The following TUBB6 variants were observed in gnomAD, a reference collection of about 807,000 sequenced individuals.
TUBB6 encodes the protein tubulin beta-6 chain.
Under a neutral mutation model 32.3 loss-of-function variants are expected in TUBB6, and 18 were observed. The observed-to-expected ratio is 0.56, with a 90% confidence interval of 0.39 to 0.83. The LOEUF is 0.83. TUBB6 is among the 40% of genes least tolerant of loss of function. TUBB6 has a pLI of 0.00. For missense variants in TUBB6, 480 were observed against 632.0 expected (o/e 0.76, Z 2.58); for synonymous variants, 280 against 265.8 (o/e 1.05, Z -0.52).
At position 12,308,813 on chromosome 18, in the gene TUBB6, C is replaced by A. The variant is rs768533336; in HGVS notation, c.166+18C>A. 2.7e-6 allele frequency: 4 copies of A among 1,509,398 alleles called. No individual in the cohort carries two copies. The South Asian group carries it at 3.4e-5, about 13-fold the overall frequency. 93.5% of individuals were successfully genotyped at this position (1,509,398 alleles called of 1,614,324 possible). A position where few individuals can be genotyped will look rare whatever the true frequency, so the allele number is the denominator to read the frequency against. On this transcript the variant is annotated intron_variant, in intron 2 of 3. Coordinates refer to ENST00000317702, the MANE Select transcript of TUBB6 (RefSeq NM_032525.3). ...GTCATCGTGTGAGTAGCAAGGCCGC[C>A]GCGCCCTGCCCGGCCGGGACCCGCG...
At chr18:12,328,958 TACAGTGTTG>T, downstream of TUBB6, 1 of 559,054 alleles carries the variant, frequency 1.8e-6, no homozygotes, top group Non-Finnish European at 3.2e-6. Context: ...TTCAGAAAAG[TACAGTGTTG>T]ACATTTTATT....
At chr18:12,321,594 G>A (rs1317353331) in intron 3 of TUBB6, among the ~76,000 whole-genome samples, 1 of 152,160 alleles carries the variant, frequency 6.6e-6, no homozygotes, top group Non-Finnish European at 1.5e-5. Context: ...CATCAGGGAT[G>A]GACCTGCCCA....
chr18:12,307,721 C>T (rs1906060583), upstream of TUBB6: 1 of 151,952 alleles, frequency 6.6e-6, no homozygotes, highest in Non-Finnish European at 1.5e-5. Context: ...GAGGAATGGC[C>T]TCTGTATCTC....
At chr18:12,322,928 AAG>A (rs1484058134) in intron 3 of TUBB6, among the ~76,000 whole-genome samples, 1 of 152,226 alleles carries the variant, frequency 6.6e-6, no homozygotes, top group Non-Finnish European at 1.5e-5. Flanking sequence ...TTAACAGAAG[AAG>A]AGTTTTTTAA....
rs1906463674 is a variant in TUBB6, at chr18:12,312,909, G to A, written c.277+1856G>A. ...AGCTACTCGGGAGGCTGAGGCAGGA[G>A]AATCACTTGAACCCAGCAGGCGGAG... is the stretch of plus-strand genomic sequence containing the variant. On this transcript the variant is annotated intron_variant, in intron 3 of 3. Transcript: ENST00000317702. Among the ~76,000 whole-genome samples, 3 of 144,274 alleles carry A rather than the reference G, an allele frequency of 2.1e-5. No homozygotes were observed. In the South Asian group the frequency reaches 6.5e-4, roughly 31 times the overall value. 94.6% of individuals were successfully genotyped at this position (144,274 alleles called of 152,430 possible). A position where few individuals can be genotyped will look rare whatever the true frequency, so the allele number is the denominator to read the frequency against.
chr18:12,317,845 A>G (rs1281871726), intron 3 of TUBB6, among the ~76,000 whole-genome samples: 1 of 152,226 alleles, frequency 6.6e-6, no homozygotes, highest in Admixed American at 6.5e-5. Context: ...ACAACTCCCA[A>G]ATATTTAACT....
chr18:12,325,093 G>A lies in TUBB6; in HGVS notation c.304G>A (p.Ala102Thr), dbSNP rs1907203006. The A allele has an allele frequency of 6.3e-7, 1 of 1,581,174 alleles. No individual in the cohort carries two copies. The highest frequency in any genetic ancestry group is 8.6e-7 in the Non-Finnish European group (1 of 1,160,502). ...FGQTGAGNNW[A>T]KGHYTEGAEL... ...CCAGACGGGTGCAGGGAACAACTGG[G>A]CGAAAGGGCACTACACGGAGGGCGC... The change falls in exon 4 of 4, where the codon GCG becomes ACG. Residue 102 changes from alanine (A) to threonine (T), a missense_variant. Coordinates refer to ENST00000317702, the MANE Select transcript of TUBB6 (RefSeq NM_032525.3).
Position 12,325,691 on chromosome 18 carries a change from C to T in TUBB6, c.902C>T (p.Ala301Val), listed in dbSNP as rs775430436. 1 of 1,614,106 alleles carries T rather than the reference C, an allele frequency of 6.2e-7. No homozygotes were observed. Residue 301 changes from alanine (A) to valine (V), a missense_variant, in exon 4 of 4, where the codon GCC becomes GTC. Coordinates refer to ENST00000317702, the MANE Select transcript of TUBB6 (RefSeq NM_032525.3). ...ATGTTCGACGCCAGGAACATGATGG[C>T]CGCCTGCGATCCGCGCCATGGCCGC... ...QQMFDARNMM[A>V]ACDPRHGRYL...
downstream of TUBB6, among the ~76,000 whole-genome samples, chr18:12,327,191 G>A (rs946545544): frequency 2.0e-4 from 31 of 152,184 alleles, no homozygotes; most frequent in Admixed American, 1.0e-3. Context: ...GAGTGGAAGC[G>A]TCATGTGCCA....
At chr18:12,324,040 G>A (rs1366931894) in intron 3 of TUBB6, among the ~76,000 whole-genome samples, 1 of 152,094 alleles carries the variant, frequency 6.6e-6, no homozygotes, top group Non-Finnish European at 1.5e-5. Flanking sequence ...ATGAATGAGG[G>A]GCTCCATTAA....
chr18:12,324,978 A>G (rs1907194358), intron 3 of TUBB6, 89 bp from the exon 4 acceptor site: 1 of 1,512,006 alleles, frequency 6.6e-7, no homozygotes, highest in Admixed American at 2.2e-5. Context: ...ACATCATGGA[A>G]TCACTTCACA....
At chr18:12,329,683 A>G, downstream of TUBB6, 1 of 1,614,124 alleles carries the variant, frequency 6.2e-7, no homozygotes, top group East Asian at 2.2e-5. Flanking sequence ...GCCTTCCACA[A>G]ATTCTTCATA....
Position 12,311,066 on chromosome 18 carries a change from T to C in TUBB6, c.277+13T>C, listed in dbSNP as rs905122522. The stretch of plus-strand genomic sequence containing the variant: ...AACTTCATCTTTGGTAGGTTCCATC[T>C]TTCTCACTTTCTTCTTCTTCTTTTA... On this transcript the variant is annotated intron_variant, in intron 3 of 3. Coordinates refer to ENST00000317702, the MANE Select transcript of TUBB6 (RefSeq NM_032525.3). 1.7e-5 allele frequency: 27 copies of C among 1,582,598 alleles called. No homozygotes were observed. The highest frequency in any genetic ancestry group is 2.3e-5 in the Non-Finnish European group (27 of 1,155,076).
At position 12,326,570 on chromosome 18, in the gene TUBB6, T is replaced by C. The variant is rs939668559; in HGVS notation, c.*440T>C. ...ATAAAATACTAAACGTGTGTCTTCA[T>C]CTCTCTAGCCATGTGCATAAATGAC... is the stretch of plus-strand genomic sequence containing the variant. On this transcript the variant is annotated 3_prime_UTR_variant, in exon 4 of 4. Coordinates refer to ENST00000317702, the MANE Select transcript of TUBB6 (RefSeq NM_032525.3). 1.1e-5 allele frequency: 2 copies of C among 182,824 alleles called. No homozygotes were observed. The highest frequency in any genetic ancestry group is 1.1e-4 in the Admixed American group (2 of 18,714). The allele number at this position is 182,824 out of a possible 1,614,324, so 11.3% of individuals were successfully genotyped here. A position where few individuals can be genotyped will look rare whatever the true frequency, so the allele number is the denominator to read the frequency against.
chr18:12,326,386 C>A lies in TUBB6; in HGVS notation c.*256C>A, dbSNP rs1598814126. On this transcript the variant is annotated 3_prime_UTR_variant, in exon 4 of 4. Transcript: ENST00000317702. ...GAGGACTTGAAAGAGAACTGAGGGG[C>A]CACAAAATAAACTTCACCTTCCATT... is the stretch of plus-strand genomic sequence containing the variant. The A allele has an allele frequency of 2.1e-6, 1 of 485,040 alleles. No homozygotes were observed. The highest frequency in any genetic ancestry group is 3.5e-5 in the East Asian group (1 of 28,258). 30.0% of individuals were successfully genotyped at this position (485,040 alleles called of 1,614,324 possible).
chr18:12,323,737 G>A (rs1907108854), intron 3 of TUBB6, among the ~76,000 whole-genome samples: 1 of 152,040 alleles, frequency 6.6e-6, no homozygotes, highest in Non-Finnish European at 1.5e-5. Context: ...GAACCCGGGA[G>A]GCGGAGCTTG....
At chr18:12,328,198 A>G (rs1475031715), downstream of TUBB6, among the ~76,000 whole-genome samples, 6 of 152,232 alleles carry the variant, frequency 3.9e-5, no homozygotes, top group Admixed American at 3.9e-4. Flanking sequence ...CCATGGGTGG[A>G]GCATGCATGG....
chr18:12,315,938 ACT>A (rs1241842577), intron 3 of TUBB6, among the ~76,000 whole-genome samples: 7 of 152,116 alleles, frequency 4.6e-5, no homozygotes, highest in African/African-American at 1.7e-4. Flanking sequence ...GCATGCCTTA[ACT>A]CTGTCAAAAA....
chr18:12,324,955 T>G (rs781147599), intron 3 of TUBB6, 112 bp from the exon 4 acceptor site: 15 of 1,504,724 alleles, frequency 1.0e-5, no homozygotes, highest in Middle Eastern at 2.0e-4. Flanking sequence ...GGCCCCTCCC[T>G]TTGGCTAACA....
Sources: gnomAD v4.1 joint callset for allele counts (sites outside exome capture counted in the v4.1 genomes callset) on GRCh38, gnomAD v4.1.1 for gene constraint, MANE v1.5 for transcripts, NCBI Gene and HGNC (gene_info 2026-07-23, HGNC 2026-07-21) for gene names.